Variants in COL26A1 observed in about 807,000 individuals in gnomAD.
COL26A1 encodes the protein collagen type XXVI alpha 1 chain, also known as collagen alpha-1(XXVI) chain.
Under a neutral mutation model 59.3 loss-of-function variants are expected in COL26A1, and 41 were observed. That is an observed-to-expected ratio of 0.69 (90% CI 0.54 to 0.90). The LOEUF (loss-of-function observed/expected upper bound fraction) is 0.90, where lower values mean the gene tolerates loss of function less well. Ranked by LOEUF, COL26A1 falls within the 40% of genes least tolerant of loss-of-function variation. COL26A1 has a pLI of 0.00. For synonymous variants in COL26A1, 266 were observed against 256.0 expected, an observed-to-expected ratio of 1.04 and a Z score of -0.37; for missense variants, 612 against 602.3, an observed-to-expected ratio of 1.02 and a Z score of -0.17.
chr7:101,413,297 T>C (rs1156775891), intron 1 of COL26A1, among the ~76,000 whole-genome samples: 1 of 152,114 alleles, frequency 6.6e-6, no homozygotes, highest in African/African-American at 2.4e-5. Flanking sequence ...GGCAGGTAGA[T>C]CACTTGAGGT....
intron 4 of COL26A1, among the ~76,000 whole-genome samples, chr7:101,538,494 T>G (rs1795531124): frequency 6.6e-6 from 1 of 152,226 alleles, no homozygotes; most frequent in Non-Finnish European, 1.5e-5. Flanking sequence ...TCATTTGTGA[T>G]GTCGCCGCAG....
chr7:101,536,910 G>A (rs528587077), intron 4 of COL26A1, among the ~76,000 whole-genome samples: 1 of 152,358 alleles, frequency 6.6e-6, no homozygotes, highest in South Asian at 2.1e-4. Context: ...AAGGCAGGAA[G>A]TGGAGGGTGA....
chr7:101,496,252 G>C (rs981721171), intron 3 of COL26A1, among the ~76,000 whole-genome samples: 1 of 152,218 alleles, frequency 6.6e-6, no homozygotes, highest in Non-Finnish European at 1.5e-5. Context: ...GGACCAGTCG[G>C]CTGTGGCCAG....
At chr7:101,458,804 C>CTATT (rs1665803895) in intron 3 of COL26A1, among the ~76,000 whole-genome samples, 1 of 140,434 alleles carries the variant, frequency 7.1e-6, no homozygotes, top group African/African-American at 2.6e-5. Flanking sequence ...AAACCTGGGT[C>CTATT]TTTTTTTTTT....
chr7:101,531,681 C>T (rs2130636664), intron 3 of COL26A1, among the ~76,000 whole-genome samples: 1 of 152,290 alleles, frequency 6.6e-6, no homozygotes, highest in Non-Finnish European at 1.5e-5. Context: ...GAGGGTACAG[C>T]CTCGACCACC....
At chr7:101,545,636 TC>T in intron 7 of COL26A1, 146 bp downstream of exon 7, 1 of 779,200 alleles carries the variant, frequency 1.3e-6, no homozygotes, top group Non-Finnish European at 1.9e-6. Context: ...GCAGGCCTCC[TC>T]CAGGAAGCCC....
Position 101,529,548 on chromosome 7 carries a change from C to T in COL26A1, c.386-3534C>T, listed in dbSNP as rs1432124819. 2.0e-5 allele frequency among the ~76,000 whole-genome samples: 3 copies of T among 152,146 alleles called. No individual in the cohort carries two copies. The East Asian group carries it at 5.8e-4, about 29-fold the overall frequency. On this transcript the variant is annotated intron_variant, in intron 3 of 12. Coordinates refer to ENST00000313669, the MANE Select transcript of COL26A1 (RefSeq NM_001278563.3). The stretch of plus-strand genomic sequence containing the variant: ...TGCTGAGATTACAGGCGTGAGCCAC[C>T]ATGCCCGGCCTCATCACCCAAATGT...
intron 3 of COL26A1, among the ~76,000 whole-genome samples, chr7:101,500,676 C>T (rs1425596340): frequency 6.6e-6 from 1 of 151,798 alleles, no homozygotes; most frequent in East Asian, 1.9e-4. Flanking sequence ...CAAAAATTAG[C>T]TGGGCGTGGT....
intron 3 of COL26A1, among the ~76,000 whole-genome samples, chr7:101,448,923 G>A (rs1031407021): frequency 1.3e-5 from 2 of 152,354 alleles, no homozygotes; most frequent in Admixed American, 6.5e-5. Context: ...AGTGTAAACT[G>A]TCTAAAGAGC....
At chr7:101,462,308 T>C (rs1793634837) in intron 3 of COL26A1, among the ~76,000 whole-genome samples, 1 of 144,910 alleles carries the variant, frequency 6.9e-6, no homozygotes. Flanking sequence ...TCAGGGAGCA[T>C]TTTAAACTTA....
rs55863250 is a variant in COL26A1 at position 101,483,990 on chromosome 7, AGTGTGTGTGTGT to A, written c.385+36236_385+36247del. On this transcript the variant is annotated intron_variant, in intron 3 of 12. Coordinates refer to ENST00000313669, the MANE Select transcript of COL26A1 (RefSeq NM_001278563.3). ...CACCTGGCCCCAGCTAACTTTTTAA[AGTGTGTGTGTGT>A]GTGTGTGTGTGTGTGTGTGTGTGTG... Among the ~76,000 whole-genome samples the A allele has an allele frequency of 9.8e-4, 126 of 128,004 alleles. 2 individuals carry two copies. The South Asian group carries it at 0.02, about 21-fold the overall frequency. 84.0% of individuals were successfully genotyped at this position (128,004 alleles called of 152,430 possible).
chr7:101,452,800 T>C (rs2410829), intron 3 of COL26A1, among the ~76,000 whole-genome samples: 21,068 of 151,844 alleles, frequency 0.14, 3,374 homozygotes, highest in African/African-American at 0.39. Context: ...GGAGTCTGTC[T>C]GTCAGCCAGG....
At chr7:101,399,278 C>T (rs1296565806) in intron 1 of COL26A1, among the ~76,000 whole-genome samples, 1 of 152,132 alleles carries the variant, frequency 6.6e-6, no homozygotes, top group Admixed American at 6.6e-5. Context: ...TGTACTCCAA[C>T]ATGGGCAACA....
chr7:101,378,618 G>T (rs966177772), intron 1 of COL26A1, among the ~76,000 whole-genome samples: 1 of 152,070 alleles, frequency 6.6e-6, no homozygotes, highest in African/African-American at 2.4e-5. Flanking sequence ...AGACTTGGGG[G>T]CTGGGGACAC....
chr7:101,371,849 T>C (rs1035929044), intron 1 of COL26A1, among the ~76,000 whole-genome samples: 11 of 152,052 alleles, frequency 7.2e-5, no homozygotes, highest in Non-Finnish European at 1.5e-4. Flanking sequence ...AGAGACTGGT[T>C]GGGGAAAACA....
chr7:101,477,291 T>G (rs1186324884), intron 3 of COL26A1, among the ~76,000 whole-genome samples: 1 of 152,194 alleles, frequency 6.6e-6, no homozygotes, highest in Non-Finnish European at 1.5e-5. Flanking sequence ...ATATGCGTGC[T>G]GTGTGTGTAG....
chr7:101,370,016 T>C (rs6962323), intron 1 of COL26A1, among the ~76,000 whole-genome samples: 88,138 of 151,750 alleles, frequency 0.58, 27,191 homozygotes, highest in African/African-American at 0.8. Flanking sequence ...GCATGTGCCA[T>C]CATGCCTGGC....
At chr7:101,516,444 ATTT>A (rs369233097) in intron 3 of COL26A1, among the ~76,000 whole-genome samples, 2 of 148,650 alleles carry the variant, frequency 1.3e-5, no homozygotes, top group Non-Finnish European at 3.0e-5. Flanking sequence ...GCTAGTTTTA[ATTT>A]TTTTTTTAGA....
intron 3 of COL26A1, among the ~76,000 whole-genome samples, chr7:101,484,105 C>T (rs1794218034): frequency 6.6e-6 from 1 of 151,438 alleles, no homozygotes. Flanking sequence ...CCACCTCAAC[C>T]TCCCGAGGTG....
Sources: gnomAD v4.1 joint callset for allele counts (sites outside exome capture counted in the v4.1 genomes callset) on GRCh38, gnomAD v4.1.1 for gene constraint, MANE v1.5 for transcripts, NCBI Gene and HGNC (gene_info 2026-07-23, HGNC 2026-07-21) for gene names.